The following CAST variants were observed in gnomAD, a reference collection of about 807,000 sequenced individuals.
The protein encoded by CAST is MIR583 host.
In CAST, 76 loss-of-function variants were observed where a neutral mutation model predicts 119.6. That is an observed-to-expected ratio of 0.64 (90% CI 0.53 to 0.77). The LOEUF (loss-of-function observed/expected upper bound fraction) is 0.77, where lower values mean the gene tolerates loss of function less well. Among genes scored for constraint, CAST ranks in the 30% least tolerant of loss-of-function variants. The pLI, the probability that CAST is intolerant of heterozygous loss-of-function variation, is 0.00. For synonymous variants in CAST, 319 were observed against 331.6 expected (o/e 0.96, Z 0.41); for missense variants, 953 against 946.5 (o/e 1.01, Z -0.09).
At chr5:96,474,913 T>C in the CAST span, among the ~76,000 whole-genome samples, 1 of 152,210 alleles carries the variant, frequency 6.6e-6, no homozygotes, top group Non-Finnish European at 1.5e-5. Context: ...GACTGCCTTA[T>C]GGAAAGAGAC....
At chr5:96,733,478 A>T (rs1275493878) in intron 9 of CAST, among the ~76,000 whole-genome samples, 1 of 152,246 alleles carries the variant, frequency 6.6e-6, no homozygotes, top group Non-Finnish European at 1.5e-5. Context: ...GTGAAAACTA[A>T]ACAATAAAAT....
intron 1 of CAST, among the ~76,000 whole-genome samples, chr5:96,634,116 C>T (rs17086426): frequency 0.18 from 26,670 of 152,134 alleles, 2,785 homozygotes; most frequent in East Asian, 0.42. Context: ...TGCTGACTGA[C>T]GACATAACGT....
At chr5:96,650,349 C>G (rs1172620932) in intron 1 of CAST, among the ~76,000 whole-genome samples, 2 of 152,156 alleles carry the variant, frequency 1.3e-5, no homozygotes, top group African/African-American at 4.8e-5. Context: ...GCGTGGGTCA[C>G]TTGGAAGCAA....
At chr5:96,718,435 C>T (rs1581107196) in intron 3 of CAST, among the ~76,000 whole-genome samples, 1 of 152,102 alleles carries the variant, frequency 6.6e-6, no homozygotes, top group East Asian at 1.9e-4. Flanking sequence ...AACTACCTAT[C>T]AGGTACTGTG....
chr5:96,020,346 C>A, the CAST span, among the ~76,000 whole-genome samples: 1,337 of 152,296 alleles, frequency 8.8e-3, 23 homozygotes, highest in African/African-American at 0.031. Context: ...TAAAAGTCAT[C>A]TCAAAAGTTA....
chr5:96,583,344 C>A (rs766735316), intron 1 of CAST, among the ~76,000 whole-genome samples: 1 of 151,874 alleles, frequency 6.6e-6, no homozygotes, highest in Non-Finnish European at 1.5e-5. Flanking sequence ...AAGGAGGGGG[C>A]TCTTCTCAAA....
At chr5:96,476,829 TC>T in the CAST span, among the ~76,000 whole-genome samples, 1 of 149,896 alleles carries the variant, frequency 6.7e-6, no homozygotes, top group Non-Finnish European at 1.5e-5. Flanking sequence ...TTAAAACATC[TC>T]CCTGCACATG....
chr5:96,110,756 C>T, the CAST span, among the ~76,000 whole-genome samples: 1 of 152,152 alleles, frequency 6.6e-6, no homozygotes, highest in African/African-American at 2.4e-5. Context: ...TGTCTAATCT[C>T]AGTAAGCAGG....
intron 10 of CAST, among the ~76,000 whole-genome samples, 153 bp from the exon 11 acceptor site, chr5:96,737,696 G>A (rs551646859): frequency 6.6e-6 from 1 of 152,268 alleles, no homozygotes. Context: ...AGTAAAGTCT[G>A]TTAAAGACCA....
chr5:96,468,769 G>C, the CAST span, among the ~76,000 whole-genome samples: 1 of 151,970 alleles, frequency 6.6e-6, no homozygotes, highest in Admixed American at 6.6e-5. Context: ...AGTGGCTCTT[G>C]GGCATGTTAT....
At chr5:96,422,502 C>G in the CAST span, among the ~76,000 whole-genome samples, 17 of 152,276 alleles carry the variant, frequency 1.1e-4, 1 homozygote, top group Middle Eastern at 3.4e-3. Context: ...GGCTCCACTC[C>G]CTTTTCCAAC....
chr5:96,313,025 G>A, the CAST span, among the ~76,000 whole-genome samples: 10 of 152,000 alleles, frequency 6.6e-5, no homozygotes, highest in South Asian at 2.1e-4. Context: ...GTTGATTGAC[G>A]TTCAAGTCTA....
At chr5:96,536,030 GGTT>G (rs1745805470) in intron 1 of CAST, among the ~76,000 whole-genome samples, 2 of 97,288 alleles carry the variant, frequency 2.1e-5, no homozygotes, top group Non-Finnish European at 3.9e-5. Flanking sequence ...AAATATTTAA[GGTT>G]TTTTTTTTTT....
the CAST span, among the ~76,000 whole-genome samples, chr5:96,309,165 G>A: frequency 1.3e-5 from 2 of 152,236 alleles, no homozygotes; most frequent in Non-Finnish European, 2.9e-5. Flanking sequence ...CCAGAGAGGA[G>A]GAGTATAGAG....
the CAST span, among the ~76,000 whole-genome samples, chr5:96,257,595 A>C: frequency 6.6e-6 from 1 of 152,306 alleles, no homozygotes; most frequent in Middle Eastern, 3.4e-3. Flanking sequence ...GGGATAGTAA[A>C]TCCAGGGAAG....
At chr5:96,015,080 TTC>T in the CAST span, among the ~76,000 whole-genome samples, 1 of 152,168 alleles carries the variant, frequency 6.6e-6, no homozygotes, top group Non-Finnish European at 1.5e-5. Context: ...GCTAAGTAAC[TTC>T]TCTCAGTTCA....
chr5:96,730,329 A>G (rs897506785), intron 8 of CAST, among the ~76,000 whole-genome samples: 1 of 152,266 alleles, frequency 6.6e-6, no homozygotes, highest in African/African-American at 2.4e-5. Flanking sequence ...TTTGTGATCT[A>G]CCACTTAAAT....
chr5:96,035,311 A>G, the CAST span, among the ~76,000 whole-genome samples: 2 of 146,636 alleles, frequency 1.4e-5, no homozygotes, highest in Non-Finnish European at 3.1e-5. Context: ...TGATATAGTA[A>G]AAATATAGCA....
At chr5:96,433,359 C>G in the CAST span, 1 of 406,728 alleles carries the variant, frequency 2.5e-6, no homozygotes, top group South Asian at 2.3e-5. Context: ...ATGGTATTCC[C>G]GGCGGGGCGG....
Sources: allele counts gnomAD v4.1 joint callset (sites outside exome capture counted in the v4.1 genomes callset), GRCh38; gene constraint gnomAD v4.1.1; transcripts MANE v1.5; gene names NCBI Gene and HGNC (gene_info 2026-07-23, HGNC 2026-07-21).